The following IGF1 variants were observed in gnomAD, a reference collection of about 807,000 sequenced individuals.
IGF1 encodes the protein insulin-like growth factor 1.
In IGF1, 4 loss-of-function variants were observed where a neutral mutation model predicts 13.8. The observed-to-expected ratio is 0.29, with a 90% CI of 0.14 to 0.66. IGF1 has a LOEUF of 0.66. Among genes scored for constraint, IGF1 ranks in the 30% least tolerant of loss-of-function variants. IGF1 has a pLI of 0.78. For synonymous variants in IGF1, 76 were observed against 72.6 expected, an observed-to-expected ratio of 1.05 and a Z score of -0.23; for missense variants, 124 against 188.5, an observed-to-expected ratio of 0.66 and a Z score of 2.00.
At chr12:102,453,054 A>G (rs1879100602) in intron 2 of IGF1, among the ~76,000 whole-genome samples, 2 of 152,228 alleles carry the variant, frequency 1.3e-5, no homozygotes, top group African/African-American at 2.4e-5. Context: ...TGAGAACTTT[A>G]TCAGAATGAA....
rs547585610 is a variant in IGF1, at chr12:102,470,684, C to CTAAG, written c.220+4955_220+4958dup. The stretch of plus-strand genomic sequence containing the variant: ...GTCACACAGATGCATAGCAGGCAGT[C>CTAAG]TAAGGGGTACCAATAAAAGGAATGA... On this transcript the variant is annotated intron_variant, in intron 2 of 3. Coordinates refer to ENST00000337514, the MANE Select transcript of IGF1 (RefSeq NM_000618.5). Among the ~76,000 whole-genome samples the CTAAG allele has an allele frequency of 1.6e-4, 25 of 152,268 alleles. No homozygotes were observed. The South Asian group carries it at 5.2e-3, about 32-fold the overall frequency.
At position 102,400,138 on chromosome 12, in the gene IGF1, T is replaced by C. The variant is rs1444940997; in HGVS notation, c.*2369A>G. 1 of 151,524 alleles carries C rather than the reference T, an allele frequency of 6.6e-6. No individual in the cohort carries two copies. The highest frequency in any genetic ancestry group is 6.6e-5 in the Admixed American group (1 of 15,180). The allele number at this position is 151,524 out of a possible 1,614,324, so 9.4% of individuals were successfully genotyped here. On this transcript the variant is annotated 3_prime_UTR_variant, in exon 4 of 4. Coordinates refer to ENST00000337514, the MANE Select transcript of IGF1 (RefSeq NM_000618.5). The stretch of plus-strand genomic sequence containing the variant: ...TTCAGAGATCCAGGGAGTCTTTTTT[T>C]TTTTTTTCCTGGCCTCTGATCCTTG...
chr12:102,413,988 C>G (rs1382778709), intron 3 of IGF1, among the ~76,000 whole-genome samples: 1 of 152,182 alleles, frequency 6.6e-6, no homozygotes, highest in South Asian at 2.1e-4. Flanking sequence ...CGTTGGCAAG[C>G]TTGGGCTTGA....
intron 2 of IGF1, among the ~76,000 whole-genome samples, chr12:102,448,456 G>T (rs537360445): frequency 5.7e-4 from 82 of 144,466 alleles, no homozygotes; most frequent in Non-Finnish European, 5.3e-4. Flanking sequence ...ACCAAACACC[G>T]CATATTCTGA....
intron 2 of IGF1, among the ~76,000 whole-genome samples, chr12:102,439,804 C>A (rs1877555194): frequency 6.6e-6 from 1 of 151,982 alleles, no homozygotes; most frequent in African/African-American, 2.4e-5. Context: ...ACTTAATCAC[C>A]AGCACCAGGC....
intron 3 of IGF1, among the ~76,000 whole-genome samples, chr12:102,416,886 A>C (rs1875187683): frequency 6.6e-6 from 1 of 152,220 alleles, no homozygotes; most frequent in Non-Finnish European, 1.5e-5. Context: ...TAATTAAGTT[A>C]AAATGAGGTC....
At chr12:102,475,426 C>T (rs779063644) in intron 2 of IGF1, among the ~76,000 whole-genome samples, 13 of 151,994 alleles carry the variant, frequency 8.6e-5, no homozygotes, top group East Asian at 5.8e-4. Flanking sequence ...TAGTTAAAGA[C>T]GAATTGTTAA....
At chr12:102,460,446 T>TTC (rs1555247788) in intron 2 of IGF1, among the ~76,000 whole-genome samples, 1 of 151,992 alleles carries the variant, frequency 6.6e-6, no homozygotes, top group Non-Finnish European at 1.5e-5. Context: ...ATTTCATGGG[T>TTC]CCCCCCACAA....
chr12:102,407,787 T>G, intron 3 of IGF1, among the ~76,000 whole-genome samples: 1 of 152,182 alleles, frequency 6.6e-6, no homozygotes, highest in East Asian at 1.9e-4. Flanking sequence ...TACCACAAGC[T>G]GGGACCCATT....
intron 3 of IGF1, among the ~76,000 whole-genome samples, chr12:102,410,115 A>T (rs9308315): frequency 0.66 from 99,744 of 151,930 alleles, 33,699 homozygotes; most frequent in Admixed American, 0.74. Context: ...TACTCTTTTA[A>T]AGACTACCAC....
At chr12:102,439,256 G>A (rs1877497440) in intron 2 of IGF1, among the ~76,000 whole-genome samples, 1 of 152,174 alleles carries the variant, frequency 6.6e-6, no homozygotes, top group African/African-American at 2.4e-5. Context: ...ATGCTTGTGA[G>A]TATTGGGAGA....
At chr12:102,432,578 G>A (rs889634152) in intron 2 of IGF1, among the ~76,000 whole-genome samples, 8 of 152,158 alleles carry the variant, frequency 5.3e-5, no homozygotes, top group Non-Finnish European at 1.0e-4. Context: ...GCACAGACAG[G>A]GATCTTACCT....
At position 102,451,083 on chromosome 12, in the gene IGF1, C is replaced by G. The variant is rs547299726; in HGVS notation, c.220+24560G>C. 5.3e-5 allele frequency among the ~76,000 whole-genome samples: 8 copies of G among 152,276 alleles called. No individual in the cohort carries two copies. In the East Asian group the frequency reaches 1.5e-3, roughly 29 times the overall value. ...ATAAGCAGGTGTCAAAACATACACTCTAAAGTTATATCAAGTGAGTCACAG... is the reference window on the plus strand; with the variant it reads ...ATAAGCAGGTGTCAAAACATACACTGTAAAGTTATATCAAGTGAGTCACAG... On this transcript the variant is annotated intron_variant, in intron 2 of 3. Coordinates refer to ENST00000337514, the MANE Select transcript of IGF1 (RefSeq NM_000618.5).
chr12:102,408,962 A>T (rs897589406), intron 3 of IGF1, among the ~76,000 whole-genome samples: 4 of 150,860 alleles, frequency 2.7e-5, no homozygotes, highest in Non-Finnish European at 4.4e-5. Context: ...CTCATTTAAC[A>T]CCTTCTCATC....
intron 3 of IGF1, among the ~76,000 whole-genome samples, chr12:102,410,008 G>T (rs1874495895): frequency 1.3e-5 from 2 of 152,150 alleles, no homozygotes; most frequent in Non-Finnish European, 2.9e-5. Flanking sequence ...TGGGAGAGTG[G>T]ACTTACAGCT....
intron 3 of IGF1, among the ~76,000 whole-genome samples, chr12:102,410,928 A>G (rs1036790439): frequency 1.1e-4 from 17 of 152,238 alleles, no homozygotes; most frequent in African/African-American, 3.9e-4. Flanking sequence ...CCTTCAGCAT[A>G]TAAAAGTAAA....
chr12:102,413,585 T>G (rs529722005), intron 3 of IGF1, among the ~76,000 whole-genome samples: 2 of 152,298 alleles, frequency 1.3e-5, no homozygotes, highest in South Asian at 4.1e-4. Flanking sequence ...CAAATGCTTG[T>G]GAAAGGCACT....
chr12:102,454,597 C>T (rs577782377), intron 2 of IGF1, among the ~76,000 whole-genome samples: 11 of 152,350 alleles, frequency 7.2e-5, no homozygotes, highest in African/African-American at 2.2e-4. Flanking sequence ...CTCCATGAAG[C>T]TCCCAAGAAT....
intron 2 of IGF1, among the ~76,000 whole-genome samples, chr12:102,465,038 T>C (rs7956547): frequency 0.25 from 37,583 of 152,034 alleles, 4,754 homozygotes; most frequent in African/African-American, 0.27. Context: ...TGAGAGGAAA[T>C]AGTGATACTG....
Sources: allele counts gnomAD v4.1 joint callset (sites outside exome capture counted in the v4.1 genomes callset), GRCh38; gene constraint gnomAD v4.1.1; transcripts MANE v1.5; gene names NCBI Gene and HGNC (gene_info 2026-07-23, HGNC 2026-07-21).